Variants in METTL4 observed in about 807,000 individuals in gnomAD.
METTL4 encodes the protein methyltransferase 4, N6-adenosine, also known as N(6)-adenine-specific methyltransferase METTL4.
In METTL4, 40 loss-of-function variants were observed where a neutral mutation model predicts 54.0. The observed-to-expected ratio is 0.74, with a 90% CI of 0.58 to 0.96. The LOEUF (loss-of-function observed/expected upper bound fraction) is 0.96, where lower values mean the gene tolerates loss of function less well. Ranked by LOEUF, METTL4 falls within the 50% of genes least tolerant of loss-of-function variation. The pLI, the probability that METTL4 is intolerant of heterozygous loss-of-function variation, is 0.00. For synonymous variants in METTL4, 169 were observed against 183.8 expected (o/e 0.92, Z 0.65); for missense variants, 525 against 549.0 (o/e 0.96, Z 0.44).
chr18:2,544,301 C>A lies in METTL4; in HGVS notation c.1182-15G>T. The A allele has an allele frequency of 6.4e-7, 1 of 1,574,398 alleles. No individual in the cohort carries two copies. The highest frequency in any genetic ancestry group is 1.2e-5 in the South Asian group (1 of 86,264). On this transcript the variant is annotated splice_polypyrimidine_tract_variant and intron_variant, in intron 7 of 8. Coordinates refer to ENST00000574538, the MANE Select transcript of METTL4 (RefSeq NM_022840.5). ...CATCTGCATTCCTAATTAAACAGAACAAGAAAGTAAACTATATTTTAAAAA... is the reference window on the plus strand; with the variant it reads ...CATCTGCATTCCTAATTAAACAGAAAAAGAAAGTAAACTATATTTTAAAAA...
rs185567367 is a variant in METTL4 at position 2,560,568 on chromosome 18, A to C, written c.459+3229T>G. On this transcript the variant is annotated intron_variant, in intron 3 of 8. Coordinates refer to ENST00000574538, the MANE Select transcript of METTL4 (RefSeq NM_022840.5). ...AATCTCTCTTATGACTGTCCCAAAT[A>C]AAACATTAGCAAATAAAATCCAGTA... Among the ~76,000 whole-genome samples the C allele has an allele frequency of 3.4e-3, 516 of 152,272 alleles. 3 individuals carry two copies. The highest frequency in any genetic ancestry group is 0.012 in the African/African-American group (490 of 41,558).
intron 2 of METTL4, among the ~76,000 whole-genome samples, chr18:2,564,778 A>G (rs764582029): frequency 3.1e-4 from 47 of 152,246 alleles, no homozygotes; most frequent in Admixed American, 9.8e-4. Flanking sequence ...AGGTTCATCT[A>G]TTTTTTTCCA....
Position 2,549,113 on chromosome 18 carries a change from C to T in METTL4, c.900-1584G>A, listed in dbSNP as rs143391990. On this transcript the variant is annotated intron_variant, in intron 5 of 8. Coordinates refer to ENST00000574538, the MANE Select transcript of METTL4 (RefSeq NM_022840.5). Reference sequence around the variant, plus strand: ...CAGTAAAACTAAAGGCCGCCAACCTCCCTCAACTACCCAACCCTAACCCCT... The same window carrying T: ...CAGTAAAACTAAAGGCCGCCAACCTTCCTCAACTACCCAACCCTAACCCCT... 2.7e-3 allele frequency among the ~76,000 whole-genome samples: 417 copies of T among 152,314 alleles called. 1 individual carries two copies. The highest frequency in any genetic ancestry group is 9.6e-3 in the African/African-American group (399 of 41,568).
In METTL4 at chr18:2,537,633, C is replaced by T. The variant is rs574810044; in HGVS notation, c.*1367G>A. ...AAGCCTCTGATACTATACTCACACA[C>T]TCAAAGGATGAACAAACTTCAAAAA... On this transcript the variant is annotated 3_prime_UTR_variant, in exon 9 of 9. Transcript: ENST00000574538. The T allele has an allele frequency of 8.3e-6, 3 of 360,326 alleles. No homozygotes were observed. Among genetic ancestry groups the T allele is most frequent in the Middle Eastern group, 7.2e-4 (1 of 1,380 alleles). 22.3% of individuals were successfully genotyped at this position (360,326 alleles called of 1,614,324 possible). A position where few individuals can be genotyped will look rare whatever the true frequency, so the allele number is the denominator to read the frequency against.
At chr18:2,559,126 A>G (rs538393771) in intron 3 of METTL4, among the ~76,000 whole-genome samples, 10 of 152,228 alleles carry the variant, frequency 6.6e-5, no homozygotes, top group Non-Finnish European at 1.5e-4. Flanking sequence ...ATATATCCAA[A>G]AGAACTAAAA....
In METTL4 at chr18:2,538,775, C is replaced by A; in HGVS notation, c.*225G>T. On this transcript the variant is annotated 3_prime_UTR_variant, in exon 9 of 9. Transcript: ENST00000574538. Reference sequence around the variant, plus strand: ...TTGCCGTCTTTATAACTGCTTACCACTTAATTTGTATAGTCTAGAATAACA... The same window carrying A: ...TTGCCGTCTTTATAACTGCTTACCAATTAATTTGTATAGTCTAGAATAACA... The A allele has an allele frequency of 2.0e-6, 1 of 497,710 alleles. No individual in the cohort carries two copies. Among genetic ancestry groups the A allele is most frequent in the Non-Finnish European group, 3.5e-6 (1 of 283,126 alleles). 30.8% of individuals were successfully genotyped at this position (497,710 alleles called of 1,614,324 possible).
At chr18:2,561,153 C>T (rs1282486862) in intron 3 of METTL4, 3 of 152,058 alleles carry the variant, frequency 2.0e-5, no homozygotes. Flanking sequence ...AAGCACAAGA[C>T]AAAGTAAATA....
intron 6 of METTL4, among the ~76,000 whole-genome samples, chr18:2,545,968 T>C (rs1391777830): frequency 6.6e-6 from 1 of 152,160 alleles, no homozygotes; most frequent in Admixed American, 6.5e-5. Flanking sequence ...AACATTTTAC[T>C]GGGTTTGATT....
At chr18:2,551,796 G>C (rs2072164873) in intron 5 of METTL4, among the ~76,000 whole-genome samples, 1 of 152,156 alleles carries the variant, frequency 6.6e-6, no homozygotes, top group Non-Finnish European at 1.5e-5. Context: ...GGATCACTGA[G>C]GAGAAGAAGA....
rs1285914850 is a variant in METTL4, at chr18:2,538,778, A to C, written c.*222T>G. ...CCGTCTTTATAACTGCTTACCACTT[A>C]ATTTGTATAGTCTAGAATAACATAG... On this transcript the variant is annotated 3_prime_UTR_variant, in exon 9 of 9. Transcript: ENST00000574538. The C allele has an allele frequency of 2.0e-6, 1 of 506,566 alleles. No homozygotes were observed. The highest frequency in any genetic ancestry group is 3.5e-6 in the Non-Finnish European group (1 of 288,618). 31.4% of individuals were successfully genotyped at this position (506,566 alleles called of 1,614,324 possible).
Position 2,544,775 on chromosome 18 carries a change from C to A in METTL4, c.1075-16G>T. 1 of 1,555,542 alleles carries A rather than the reference C, an allele frequency of 6.4e-7. No homozygotes were observed. The stretch of plus-strand genomic sequence containing the variant: ...AATTGGTTATCTGATAGGAAGGAGC[C>A]AACAAAAGAGGGTTATTTTTTCCCA... On this transcript the variant is annotated splice_polypyrimidine_tract_variant and intron_variant, in intron 6 of 8. Coordinates refer to ENST00000574538, the MANE Select transcript of METTL4 (RefSeq NM_022840.5).
At chr18:2,556,687 A>T (rs2072243806) in intron 3 of METTL4, among the ~76,000 whole-genome samples, 1 of 152,180 alleles carries the variant, frequency 6.6e-6, no homozygotes, top group Non-Finnish European at 1.5e-5. Flanking sequence ...ATGATCAAAG[A>T]TGTAAAGGAA....
chr18:2,545,032 A>T (rs2072051366), intron 6 of METTL4, among the ~76,000 whole-genome samples: 1 of 152,242 alleles, frequency 6.6e-6, no homozygotes, highest in East Asian at 1.9e-4. Flanking sequence ...AGTTACTGAG[A>T]TATGTTACAT....
rs200961199 is a variant in METTL4 at position 2,538,997 on chromosome 18, T to C, written c.*3A>G. 1.4e-4 allele frequency: 221 copies of C among 1,613,218 alleles called. 1 individual carries two copies. The Middle Eastern group carries it at 1.8e-3, about 13-fold the overall frequency. On this transcript the variant is annotated 3_prime_UTR_variant, in exon 9 of 9. Transcript: ENST00000574538. ...GAAACCACTACTTTAATCAAGATCA[T>C]AGTCAGCTTCCAGACTCCACAGCAA...
chr18:2,557,033 AAAG>A (rs1392514862), intron 3 of METTL4, among the ~76,000 whole-genome samples: 1 of 152,204 alleles, frequency 6.6e-6, no homozygotes, highest in African/African-American at 2.4e-5. Context: ...AAGCAATGGG[AAAG>A]AAATCGATAG....
At chr18:2,563,949 C>G (rs2072362432) in intron 2 of METTL4, 90 bp from the exon 3 acceptor site, 1 of 730,494 alleles carries the variant, frequency 1.4e-6, no homozygotes, top group African/African-American at 1.8e-5. Flanking sequence ...TTATATCTGT[C>G]TAATAATAAT....
At chr18:2,550,317 T>C (rs1422404783) in intron 5 of METTL4, among the ~76,000 whole-genome samples, 1 of 152,148 alleles carries the variant, frequency 6.6e-6, no homozygotes. Context: ...AAAATATGCA[T>C]ATTTATGTGA....
At chr18:2,540,223 T>C (rs2071974529) in intron 8 of METTL4, 11 of 985,034 alleles carry the variant, frequency 1.1e-5, no homozygotes, top group Non-Finnish European at 9.6e-6. Context: ...GGATGACAAA[T>C]ACTTAAATCA....
intron 4 of METTL4, 134 bp from the exon 5 acceptor site, chr18:2,552,898 T>C (rs2072184592): frequency 1.7e-6 from 1 of 595,840 alleles, no homozygotes; most frequent in Non-Finnish European, 3.0e-6. Context: ...GATCTGTATA[T>C]AGCATTTATT....
Sources: allele counts gnomAD v4.1 joint callset (sites outside exome capture counted in the v4.1 genomes callset), GRCh38; gene constraint gnomAD v4.1.1; transcripts MANE v1.5; gene names NCBI Gene and HGNC (gene_info 2026-07-23, HGNC 2026-07-21).